The following DNAJC18 variants were observed in gnomAD, a reference collection of about 807,000 sequenced individuals.
DNAJC18 encodes dnaJ homolog subfamily C member 18.
Under a neutral mutation model 48.6 loss-of-function variants are expected in DNAJC18, and 40 were observed. The observed-to-expected ratio is 0.82, with a 90% confidence interval of 0.64 to 1.07. The LOEUF (loss-of-function observed/expected upper bound fraction) is 1.07. Ranked by LOEUF, DNAJC18 falls within the 50% of genes least tolerant of loss-of-function variation. The pLI is 0.00. For missense variants in DNAJC18, 340 were observed against 427.7 expected (o/e 0.79, Z 1.81); for synonymous variants, 135 against 152.2 (o/e 0.89, Z 0.83).
chr5:139,434,377 GCAGTAGGGTGAT>G (rs1750594259), intron 2 of DNAJC18, among the ~76,000 whole-genome samples: 1 of 152,114 alleles, frequency 6.6e-6, no homozygotes, highest in African/African-American at 2.4e-5. Context: ...AGGCTGGATT[GCAGTAGGGTGAT>G]CATAGCTCAC....
rs1234408396 is a variant in DNAJC18 at position 139,425,064 on chromosome 5, G to A, written c.610C>T (p.Arg204Ter). 4 of 1,613,084 alleles carry A rather than the reference G, an allele frequency of 2.5e-6. No homozygotes were observed. The highest frequency in any genetic ancestry group is 3.4e-6 in the Non-Finnish European group (4 of 1,179,408). ...NVTDDTYYYR[R>*]RHRHERTQTQ... Reference sequence around the variant, plus strand: ...TGTGTCCTCTCATGTCGGTGCCGTCGACGGTAATAGTAAGTGTCATCTGTC... The same window carrying A: ...TGTGTCCTCTCATGTCGGTGCCGTCAACGGTAATAGTAAGTGTCATCTGTC... Residue 204 changes from arginine (R) to a stop codon, truncating the protein, a stop_gained, in exon 5 of 8, where the codon CGA (arginine) becomes TGA (stop). Coordinates refer to ENST00000302060, the MANE Select transcript of DNAJC18 (RefSeq NM_152686.4). LOFTEE classifies it high-confidence loss of function.
At chr5:139,415,046 C>A (rs1435870364) in intron 7 of DNAJC18, among the ~76,000 whole-genome samples, 1 of 152,090 alleles carries the variant, frequency 6.6e-6, no homozygotes. Context: ...TGAAGAGCAC[C>A]TTTAGAGACG....
In DNAJC18 at chr5:139,422,792, A is replaced by G. The variant is rs1202955919; in HGVS notation, c.695T>C (p.Leu232Pro). Residue 232 changes from leucine to proline, a missense_variant, in exon 6 of 8, where the codon CTA becomes CCA. By Grantham distance (98) the Leu-to-Pro change is moderately conservative (BLOSUM62 -3). Transcript: ENST00000302060. Reference protein sequence around the residue: ...PQTTYSAFIQLLPVLVIVIIS... With the variant: ...PQTTYSAFIQPLPVLVIVIIS... ...AATCACAATCACAAGAACTGGAAGT[A>G]GCTGAATAAATGCAGAATATGTAGT... The G allele has an allele frequency of 1.2e-6, 2 of 1,607,912 alleles. No homozygotes were observed. Among genetic ancestry groups the G allele is most frequent in the African/African-American group, 2.7e-5 (2 of 74,582 alleles).
At position 139,426,223 on chromosome 5, in the gene DNAJC18, T is replaced by G. The variant is rs747062091; in HGVS notation, c.508A>C (p.Ile170Leu). 8.1e-6 allele frequency: 13 copies of G among 1,614,122 alleles called. No homozygotes were observed. Among genetic ancestry groups the G allele is most frequent in the Admixed American group, 5.0e-5 (3 of 59,998 alleles). Reference sequence around the variant, plus strand: ...ACGTTGAACAGCTCTTCTGGAGTGATGTCAGCTTCAAAATCCCTGTAATAA... The same window carrying G: ...ACGTTGAACAGCTCTTCTGGAGTGAGGTCAGCTTCAAAATCCCTGTAATAA... ...YNYYRDFEAD[I>L]TPEELFNVFF... The change falls in exon 4 of 8, where the codon ATC becomes CTC. Residue 170 changes from isoleucine (I) to leucine (L), a missense_variant. By Grantham distance (5) the Ile-to-Leu change is conservative. Coordinates refer to ENST00000302060, the MANE Select transcript of DNAJC18 (RefSeq NM_152686.4).
At chr5:139,415,097 T>C (rs1198102427) in intron 7 of DNAJC18, among the ~76,000 whole-genome samples, 1 of 152,172 alleles carries the variant, frequency 6.6e-6, no homozygotes, top group Non-Finnish European at 1.5e-5. Context: ...ATGTGGTGTG[T>C]GTTTCCTGAA....
intron 7 of DNAJC18, among the ~76,000 whole-genome samples, chr5:139,414,645 TC>T (rs1179474342): frequency 3.9e-5 from 6 of 152,252 alleles, no homozygotes; most frequent in Non-Finnish European, 5.9e-5. Flanking sequence ...AGTGGCCTAT[TC>T]CTGTCATCTG....
chr5:139,437,391 G>A lies in DNAJC18; in HGVS notation c.208C>T (p.Gln70Ter). 1 of 1,611,786 alleles carries A rather than the reference G, an allele frequency of 6.2e-7. No individual in the cohort carries two copies. Among genetic ancestry groups the A allele is most frequent in the Middle Eastern group, 1.7e-4 (1 of 6,054 alleles). ...GCTCACCTTTGTACCCCAAGCAGCT[G>A]TTCCTCACTATACGTGGAGTTCCCC... The part of the protein sequence containing the change: ...GEGNSTYSEE[Q>*]LLGVQRIKKC... The change falls in exon 2 of 8, where the codon CAG becomes TAG. Residue 70 changes from glutamine to a stop codon, truncating the protein, a stop_gained. Transcript: ENST00000302060. LOFTEE classifies it high-confidence loss of function.
rs202118968 is a variant in DNAJC18 at position 139,436,431 on chromosome 5, G to T, written c.227+941C>A. ...GTTTCAGTAATTTGTGTCTTTCTAG[G>T]CATTTGCTGATTTTATCTAGGTTAT... is the stretch of plus-strand genomic sequence containing the variant. On this transcript the variant is annotated intron_variant, in intron 2 of 7. Coordinates refer to ENST00000302060, the MANE Select transcript of DNAJC18 (RefSeq NM_152686.4). Among the ~76,000 whole-genome samples, 17 of 151,486 alleles carry T rather than the reference G, an allele frequency of 1.1e-4. No individual in the cohort carries two copies. The East Asian group carries it at 3.1e-3, about 28-fold the overall frequency.
At chr5:139,435,215 T>C (rs2152085191) in intron 2 of DNAJC18, among the ~76,000 whole-genome samples, 1 of 152,224 alleles carries the variant, frequency 6.6e-6, no homozygotes, top group South Asian at 2.1e-4. Flanking sequence ...TAGCTAGGCA[T>C]GGTGGTGCGC....
At chr5:139,424,717 C>CAAAAAAAAAAAAA (rs70982777) in intron 5 of DNAJC18, among the ~76,000 whole-genome samples, 2 of 23,116 alleles carry the variant, frequency 8.7e-5, no homozygotes, top group African/African-American at 5.5e-4. Context: ...GACCCTCTCT[C>CAAAAAAAAAAAAA]AAAAAAAAAA....
intron 2 of DNAJC18, among the ~76,000 whole-genome samples, chr5:139,435,705 G>GGTTTTTTTTTT: frequency 2.4e-5 from 1 of 41,194 alleles, no homozygotes. Flanking sequence ...TTCATTGGAA[G>GGTTTTTTTTTT]TTTTTTTTTT....
At chr5:139,417,492 A>AATAG (rs1759087621) in intron 7 of DNAJC18, among the ~76,000 whole-genome samples, 1 of 151,978 alleles carries the variant, frequency 6.6e-6, no homozygotes, top group Admixed American at 6.6e-5. Context: ...AAATGCCAGA[A>AATAG]ATAGATTTTT....
Position 139,414,009 on chromosome 5 carries a change from C to T in DNAJC18, c.*139G>A, listed in dbSNP as rs1759033629. 7.7e-7 allele frequency: 1 copy of T among 1,304,862 alleles called. No homozygotes were observed. Among genetic ancestry groups the T allele is most frequent in the East Asian group, 2.6e-5 (1 of 38,294 alleles). The allele number at this position is 1,304,862 out of a possible 1,614,324, so 80.8% of individuals were successfully genotyped here. ...CACATCTGGCTCTCGTGCCCATGCT[C>T]CTGCCACTCTGCCCAACCAACGAAG... On this transcript the variant is annotated 3_prime_UTR_variant, in exon 8 of 8. Coordinates refer to ENST00000302060, the MANE Select transcript of DNAJC18 (RefSeq NM_152686.4).
At chr5:139,425,489 G>T (rs1759221975) in intron 4 of DNAJC18, among the ~76,000 whole-genome samples, 1 of 152,284 alleles carries the variant, frequency 6.6e-6, no homozygotes, top group African/African-American at 2.4e-5. Context: ...CAAGGTCCTT[G>T]TTCCCAGCTA....
At chr5:139,428,085 T>C (rs1759270134) in intron 3 of DNAJC18, among the ~76,000 whole-genome samples, 1 of 152,130 alleles carries the variant, frequency 6.6e-6, no homozygotes, top group Non-Finnish European at 1.5e-5. Flanking sequence ...GCGCTCAGCC[T>C]GAAGAATATA....
chr5:139,430,317 A>C (rs942840732), intron 2 of DNAJC18, among the ~76,000 whole-genome samples: 9 of 152,238 alleles, frequency 5.9e-5, no homozygotes, highest in Non-Finnish European at 1.0e-4. Flanking sequence ...TACAGTTTTA[A>C]ACTTGCAGAC....
At chr5:139,417,687 C>T (rs1210899931) in intron 7 of DNAJC18, among the ~76,000 whole-genome samples, 3 of 151,920 alleles carry the variant, frequency 2.0e-5, no homozygotes, top group East Asian at 3.9e-4. Flanking sequence ...GATTCTCCTG[C>T]CTCAGCCTCC....
intron 7 of DNAJC18, among the ~76,000 whole-genome samples, chr5:139,417,187 CAAAAAAA>C (rs57657416): frequency 9.1e-6 from 1 of 109,600 alleles, no homozygotes; most frequent in Non-Finnish European, 1.8e-5. Context: ...GAGACTCTGT[CAAAAAAA>C]AAAAAAAAAA....
chr5:139,422,676 T>A, intron 6 of DNAJC18, 32 bp downstream of exon 6: 1 of 1,496,916 alleles, frequency 6.7e-7, no homozygotes, highest in South Asian at 1.2e-5. Flanking sequence ...CCCAGACTGT[T>A]ACTGAGAAAG....
Sources: allele counts gnomAD v4.1 joint callset (sites outside exome capture counted in the v4.1 genomes callset), GRCh38; gene constraint gnomAD v4.1.1; transcripts MANE v1.5; gene names NCBI Gene and HGNC (gene_info 2026-07-23, HGNC 2026-07-21).